Variants in PRUNE2 observed in about 807,000 individuals in gnomAD.
PRUNE2 encodes the protein prune homolog 2 with BCH domain, also known as protein prune homolog 2.
PRUNE2 carries 164 observed loss-of-function variants against 252.0 expected under a neutral mutation model. That is an observed-to-expected ratio of 0.65 (90% CI 0.57 to 0.74). The LOEUF is 0.74. PRUNE2 is among the 30% of genes least tolerant of loss of function. The pLI is 0.00. For missense variants in PRUNE2, 3,495 were observed against 3,711.0 expected, an observed-to-expected ratio of 0.94 and a Z score of 1.51; for synonymous variants, 1,292 against 1,350.2, an observed-to-expected ratio of 0.96 and a Z score of 0.94.
rs1272429592 is a variant in PRUNE2 at position 76,621,379 on chromosome 9, A to G, written c.9189-1992T>C. Among the ~76,000 whole-genome samples the G allele has an allele frequency of 2.0e-5, 3 of 152,216 alleles. No homozygotes were observed. In the East Asian group the frequency reaches 5.8e-4, roughly 29 times the overall value. ...TGGTGGCCGAGATGGTGGGATTCTA[A>G]GGCATTCCAATCACCTGTGGGGTCA... On this transcript the variant is annotated intron_variant, in intron 17 of 18. Transcript: ENST00000376718.
intron 1 of PRUNE2, among the ~76,000 whole-genome samples, chr9:76,864,793 T>C (rs935749322): frequency 6.6e-6 from 1 of 152,200 alleles, no homozygotes; most frequent in African/African-American, 2.4e-5. Flanking sequence ...TTAGTAGTCA[T>C]GGAAATGCAA....
chr9:76,854,699 T>C (rs1454861031), intron 1 of PRUNE2, among the ~76,000 whole-genome samples: 9 of 152,282 alleles, frequency 5.9e-5, no homozygotes, highest in Non-Finnish European at 2.9e-5. Context: ...CTGTATTCTA[T>C]TCTATAATTT....
At position 76,846,825 on chromosome 9, in the gene PRUNE2, C is replaced by T. The variant is rs747770705; in HGVS notation, c.345-147G>A. On this transcript the variant is annotated intron_variant, in intron 3 of 18. Coordinates refer to ENST00000376718, the MANE Select transcript of PRUNE2 (RefSeq NM_015225.3). ...ACTCACATGACTCAGAAGACGGGAG[C>T]CTTATTCTACGTATTTTCACATTTC... 8 of 615,748 alleles carry T rather than the reference C, an allele frequency of 1.3e-5. No individual in the cohort carries two copies. The South Asian group carries it at 1.8e-4, about 14-fold the overall frequency. 38.1% of individuals were successfully genotyped at this position (615,748 alleles called of 1,614,324 possible).
chr9:76,816,264 T>C (rs1398211854), intron 6 of PRUNE2, among the ~76,000 whole-genome samples: 2 of 152,086 alleles, frequency 1.3e-5, no homozygotes, highest in African/African-American at 2.4e-5. Flanking sequence ...TACATACAAA[T>C]TGTAAATATT....
At chr9:76,681,512 A>G (rs1046601377) in intron 9 of PRUNE2, among the ~76,000 whole-genome samples, 3 of 151,640 alleles carry the variant, frequency 2.0e-5, no homozygotes, top group Non-Finnish European at 4.4e-5. Flanking sequence ...TTCTAAGCTC[A>G]CAAAACCACC....
chr9:76,639,861 A>AG (rs1354855105), intron 12 of PRUNE2, among the ~76,000 whole-genome samples: 1 of 152,200 alleles, frequency 6.6e-6, no homozygotes, highest in African/African-American at 2.4e-5. Flanking sequence ...GATACATCTC[A>AG]GGACACCATT....
intron 9 of PRUNE2, among the ~76,000 whole-genome samples, chr9:76,666,400 G>A (rs1163649102): frequency 6.6e-6 from 1 of 152,222 alleles, no homozygotes; most frequent in East Asian, 1.9e-4. Context: ...TGCTTCATTG[G>A]CCACGCTCCT....
intron 6 of PRUNE2, among the ~76,000 whole-genome samples, chr9:76,756,892 T>C (rs1589046124): frequency 6.6e-6 from 1 of 151,948 alleles, no homozygotes; most frequent in Non-Finnish European, 1.5e-5. Flanking sequence ...TGCAGCATTT[T>C]TGGGGGGCTG....
chr9:76,754,922 T>C (rs932041541), intron 6 of PRUNE2, among the ~76,000 whole-genome samples: 4 of 126,058 alleles, frequency 3.2e-5, no homozygotes, highest in African/African-American at 1.2e-4. Flanking sequence ...GCCGAGATTG[T>C]GGCACTGCAC....
intron 1 of PRUNE2, among the ~76,000 whole-genome samples, chr9:76,883,799 T>C (rs1285855657): frequency 6.6e-6 from 1 of 152,232 alleles, no homozygotes; most frequent in East Asian, 1.9e-4. Context: ...CCCTTCCATG[T>C]GACGTTGTTG....
At chr9:76,670,806 C>G (rs552727032) in intron 9 of PRUNE2, among the ~76,000 whole-genome samples, 6 of 150,364 alleles carry the variant, frequency 4.0e-5, no homozygotes, top group Non-Finnish European at 8.9e-5. Context: ...ACACCTCACA[C>G]GGCAGGGTAC....
chr9:76,747,648 A>T (rs189601988), intron 6 of PRUNE2, among the ~76,000 whole-genome samples: 60 of 152,280 alleles, frequency 3.9e-4, no homozygotes, highest in Admixed American at 3.7e-3. Context: ...TTTAGGGAAG[A>T]AAATCAACTG....
Position 76,703,490 on chromosome 9 carries a change from C to G in PRUNE2, c.8123G>C (p.Gly2708Ala), listed in dbSNP as rs373017513. The change falls in exon 9 of 19, where the codon GGC (glycine) becomes GCC (alanine). Residue 2708 changes from glycine to alanine, a missense_variant. Transcript: ENST00000376718. Reference sequence around the variant, plus strand: ...AGCCTGCAACGTAACTGCATCCGGGCCAGCCCTGCCTCGGCTCTTACTCTT... The same window carrying G: ...AGCCTGCAACGTAACTGCATCCGGGGCAGCCCTGCCTCGGCTCTTACTCTT... ...SQKSKSRGRA[G>A]PDAVTLQAVT... 1 of 1,613,870 alleles carries G rather than the reference C, an allele frequency of 6.2e-7. No individual in the cohort carries two copies. The highest frequency in any genetic ancestry group is 1.1e-5 in the South Asian group (1 of 91,076).
intron 11 of PRUNE2, among the ~76,000 whole-genome samples, chr9:76,649,612 T>TGATAGACAGATA (rs1554795865): frequency 6.7e-6 from 1 of 149,986 alleles, no homozygotes; most frequent in South Asian, 2.1e-4. Flanking sequence ...GATAGATAGA[T>TGATAGACAGATA]GATAGATAGA....
chr9:76,672,775 A>C (rs1214493983), intron 9 of PRUNE2, among the ~76,000 whole-genome samples: 92 of 137,430 alleles, frequency 6.7e-4, no homozygotes, highest in African/African-American at 2.2e-3. Flanking sequence ...AACTACATGG[A>C]AACTGAACAA....
At chr9:76,680,706 G>A (rs1255960843) in intron 9 of PRUNE2, among the ~76,000 whole-genome samples, 1 of 152,182 alleles carries the variant, frequency 6.6e-6, no homozygotes, top group Non-Finnish European at 1.5e-5. Flanking sequence ...AGAACTACCT[G>A]AGACTGGGTA....
chr9:76,817,791 T>C (rs1489456474), intron 6 of PRUNE2: 2 of 152,172 alleles, frequency 1.3e-5, no homozygotes, highest in African/African-American at 4.8e-5. Context: ...ATAGTACCTT[T>C]TACTGGGAGG....
chr9:76,832,635 C>A (rs1341918428), intron 4 of PRUNE2, among the ~76,000 whole-genome samples: 1 of 150,422 alleles, frequency 6.6e-6, no homozygotes, highest in Non-Finnish European at 1.5e-5. Context: ...AAAAAAAATA[C>A]ACACACATTA....
At chr9:76,805,953 G>C (rs561635432) in intron 6 of PRUNE2, among the ~76,000 whole-genome samples, 12 of 152,260 alleles carry the variant, frequency 7.9e-5, no homozygotes, top group African/African-American at 2.6e-4. Flanking sequence ...CAGAATTTTA[G>C]AAGATAATTC....
Sources: gnomAD v4.1 joint callset for allele counts (sites outside exome capture counted in the v4.1 genomes callset) on GRCh38, gnomAD v4.1.1 for gene constraint, MANE v1.5 for transcripts, NCBI Gene and HGNC (gene_info 2026-07-23, HGNC 2026-07-21) for gene names.